Variants in AFF3 observed in about 807,000 individuals in gnomAD.
AFF3 encodes the protein ALF transcription elongation factor 3, also known as AF4/FMR2 family member 3.
Under a neutral mutation model 129.7 loss-of-function variants are expected in AFF3, and 32 were observed. That is an observed-to-expected ratio of 0.25 (90% CI 0.19 to 0.33). The LOEUF is 0.33. Ranked by LOEUF, AFF3 falls within the 10% of genes least tolerant of loss-of-function variation. The pLI is 1.00. For missense variants in AFF3, 1,373 were observed against 1,592.0 expected (o/e 0.86, Z 2.34); for synonymous variants, 644 against 635.4 (o/e 1.01, Z -0.20).
At chr2:100,037,881 GTA>G (rs546078740) in intron 4 of AFF3, among the ~76,000 whole-genome samples, 2 of 143,858 alleles carry the variant, frequency 1.4e-5, no homozygotes, top group Admixed American at 1.4e-4. Flanking sequence ...ATGTGGGTGT[GTA>G]TATATATATA....
intron 8 of AFF3, among the ~76,000 whole-genome samples, chr2:99,764,698 G>A (rs930403218): frequency 6.6e-6 from 1 of 152,136 alleles, no homozygotes; most frequent in African/African-American, 2.4e-5. Context: ...GTAACATTTA[G>A]ATTGGGTCTT....
chr2:99,601,287 G>T, intron 14 of AFF3, 148 bp downstream of exon 14: 1 of 927,804 alleles, frequency 1.1e-6, no homozygotes, highest in Non-Finnish European at 1.5e-6. Flanking sequence ...GGAGCCCGAA[G>T]CCCATAGCCT....
At chr2:99,614,716 A>G (rs778059607) in intron 13 of AFF3, among the ~76,000 whole-genome samples, 12 of 152,290 alleles carry the variant, frequency 7.9e-5, no homozygotes, top group Admixed American at 2.0e-4. Flanking sequence ...GACTACTGAC[A>G]TTTGCTAAGA....
intron 7 of AFF3, among the ~76,000 whole-genome samples, chr2:99,993,927 T>A (rs891008078): frequency 1.4e-5 from 2 of 147,164 alleles, no homozygotes; most frequent in African/African-American, 5.0e-5. Flanking sequence ...TGCCTCAGCC[T>A]CCTGAGCAGT....
chr2:99,955,582 C>T (rs1576424755), intron 7 of AFF3, among the ~76,000 whole-genome samples: 3 of 152,178 alleles, frequency 2.0e-5, no homozygotes, highest in South Asian at 2.1e-4. Flanking sequence ...TTGACTTTTG[C>T]TCCAGTTGAA....
chr2:100,087,611 C>T lies in AFF3; in HGVS notation c.53+16791G>A, dbSNP rs193161241. On this transcript the variant is annotated intron_variant, in intron 4 of 24. Transcript: ENST00000672756. ...ATTCAGAGAATATGCAGAAACAATG[C>T]TTTCGTGTTTCCATGGGCATGTCCT... Among the ~76,000 whole-genome samples, 285 of 151,838 alleles carry T rather than the reference C, an allele frequency of 1.9e-3. 6 individuals carry two copies. Among genetic ancestry groups the T allele is most frequent in the African/African-American group, 6.4e-3 (264 of 41,192 alleles).
intron 2 of AFF3, among the ~76,000 whole-genome samples, chr2:100,113,418 C>A (rs1691596312): frequency 6.6e-6 from 1 of 152,178 alleles, no homozygotes; most frequent in African/African-American, 2.4e-5. Flanking sequence ...CAAAGTGAAA[C>A]AGACATGGTC....
At chr2:100,035,075 C>T (rs1684797116) in intron 4 of AFF3, among the ~76,000 whole-genome samples, 1 of 152,188 alleles carries the variant, frequency 6.6e-6, no homozygotes, top group Admixed American at 6.5e-5. Context: ...AAACAATACA[C>T]CTGTCCAACC....
chr2:100,039,726 T>C (rs1226674633), intron 4 of AFF3, among the ~76,000 whole-genome samples: 1 of 152,136 alleles, frequency 6.6e-6, no homozygotes, highest in African/African-American at 2.4e-5. Flanking sequence ...TCTAACTTTG[T>C]TTGAACTTCC....
intron 8 of AFF3, among the ~76,000 whole-genome samples, chr2:99,773,985 A>G (rs530275318): frequency 6.6e-6 from 1 of 152,204 alleles, no homozygotes; most frequent in Non-Finnish European, 1.5e-5. Flanking sequence ...CCCATTCACA[A>G]CTGCCACAAA....
intron 18 of AFF3, among the ~76,000 whole-genome samples, chr2:99,577,447 C>T (rs912676058): frequency 3.3e-5 from 5 of 152,114 alleles, no homozygotes; most frequent in African/African-American, 1.2e-4. Context: ...ACATGTAGAG[C>T]CATTTTATTT....
intron 13 of AFF3, among the ~76,000 whole-genome samples, chr2:99,605,612 C>A (rs1680254972): frequency 1.3e-5 from 2 of 152,162 alleles, no homozygotes; most frequent in Non-Finnish European, 2.9e-5. Flanking sequence ...GGTGGCAGAG[C>A]CAAGATGAAG....
intron 13 of AFF3, among the ~76,000 whole-genome samples, chr2:99,643,055 A>ATTTTTTTT (rs34572652): frequency 9.9e-6 from 1 of 100,858 alleles, no homozygotes; most frequent in Non-Finnish European, 1.9e-5. Flanking sequence ...TACTTAAAAG[A>ATTTTTTTT]TTTTTTTTTT....
intron 9 of AFF3, among the ~76,000 whole-genome samples, chr2:99,750,964 A>G (rs1681596786): frequency 6.6e-6 from 1 of 152,234 alleles, no homozygotes; most frequent in East Asian, 1.9e-4. Flanking sequence ...ATTCACTTGA[A>G]AAGGTCTTCA....
chr2:99,551,713 C>T, intron 24 of AFF3, 118 bp from the exon 25 acceptor site: 2 of 1,293,668 alleles, frequency 1.5e-6, no homozygotes, highest in Non-Finnish European at 2.1e-6. Context: ...ATTCTCCGTT[C>T]CATCATGTAA....
chr2:99,770,542 T>TAGAA (rs1683391797), intron 8 of AFF3, among the ~76,000 whole-genome samples: 1 of 152,198 alleles, frequency 6.6e-6, no homozygotes, highest in Non-Finnish European at 1.5e-5. Flanking sequence ...TCTGCTTTTC[T>TAGAA]AAGCAGAAGG....
intron 4 of AFF3, among the ~76,000 whole-genome samples, chr2:100,066,200 C>A (rs1687702576): frequency 6.6e-6 from 1 of 152,126 alleles, no homozygotes; most frequent in African/African-American, 2.4e-5. Flanking sequence ...AATTAAAAAG[C>A]CAGCAAGAAA....
At chr2:99,628,457 A>T (rs548655435) in intron 13 of AFF3, among the ~76,000 whole-genome samples, 13 of 152,142 alleles carry the variant, frequency 8.5e-5, no homozygotes, top group Non-Finnish European at 1.6e-4. Context: ...GAAGCTTTTG[A>T]ACTGAGACAA....
rs372086432 is a variant in AFF3, at chr2:100,024,187, G to A, written c.54-15255C>T. Among the ~76,000 whole-genome samples the A allele has an allele frequency of 2.1e-3, 255 of 122,062 alleles. 3 individuals are homozygous for A. Among genetic ancestry groups the A allele is most frequent in the African/African-American group, 7.8e-3 (238 of 30,708 alleles). The allele number at this position is 122,062 out of a possible 152,430, so 80.1% of individuals were successfully genotyped here. ...GCGGAGCTTGCAGTGAGCCGAGATC[G>A]CGCCACTGCACTCCAGCCTGGGCGA... is the stretch of plus-strand genomic sequence containing the variant. On this transcript the variant is annotated intron_variant, in intron 4 of 24. Coordinates refer to ENST00000672756, the MANE Select transcript of AFF3 (RefSeq NM_001386135.1).
Sources: allele counts gnomAD v4.1 joint callset (sites outside exome capture counted in the v4.1 genomes callset), GRCh38; gene constraint gnomAD v4.1.1; transcripts MANE v1.5; gene names NCBI Gene and HGNC (gene_info 2026-07-23, HGNC 2026-07-21).